CDH5: variants seen among roughly 807,000 people sequenced by gnomAD.
CDH5 encodes the protein cadherin-5.
Under a neutral mutation model 62.0 loss-of-function variants are expected in CDH5, and 28 were observed. The observed-to-expected ratio is 0.45, with a 90% CI of 0.33 to 0.62. The LOEUF (loss-of-function observed/expected upper bound fraction) is 0.62, where lower values mean the gene tolerates loss of function less well. Ranked by LOEUF, CDH5 falls within the 20% of genes least tolerant of loss-of-function variation. CDH5 has a pLI of 0.02. For missense variants in CDH5, 940 were observed against 1,065.1 expected (o/e 0.88, Z 1.63); for synonymous variants, 464 against 445.8 (o/e 1.04, Z -0.52).
chr16:66,386,666 A>G (rs913792250), intron 2 of CDH5, 143 bp from the exon 3 acceptor site: 7 of 662,776 alleles, frequency 1.1e-5, no homozygotes, highest in Non-Finnish European at 1.8e-5. Context: ...AAATCTCAGT[A>G]TCATATTTAG....
chr16:66,398,520 T>A lies in CDH5; in HGVS notation c.1550T>A (p.Ile517Asn). 6.2e-7 allele frequency: 1 copy of A among 1,601,942 alleles called. No homozygotes were observed. Among genetic ancestry groups the A allele is most frequent in the Non-Finnish European group, 8.6e-7 (1 of 1,169,024 alleles). The change falls in exon 10 of 12, where the codon ATC (isoleucine) becomes AAC (asparagine). Residue 517 changes from isoleucine to asparagine, a missense_variant. By Grantham distance (149) the Ile-to-Asn change is moderately radical. Coordinates refer to ENST00000341529, the MANE Select transcript of CDH5 (RefSeq NM_001795.5). The part of the protein sequence containing the change: ...ITPRNVKFKF[I>N]LNTENNFTLT... Reference sequence around the variant, plus strand: ...CCACGAAACGTGAAGTTCAAATTCATCTTGAATACTGAGAACAACTTTACC... The same window carrying A: ...CCACGAAACGTGAAGTTCAAATTCAACTTGAATACTGAGAACAACTTTACC...
rs777440132 is a variant in CDH5, at chr16:66,392,189, C to A, written c.1023C>A (p.Asp341Glu). 6.2e-7 allele frequency: 1 copy of A among 1,614,172 alleles called. No individual in the cohort carries two copies. The highest frequency in any genetic ancestry group is 1.7e-5 in the Admixed American group (1 of 60,022). Residue 341 changes from aspartate (D) to glutamate (E), a missense_variant, in exon 7 of 12, where the codon GAC (aspartate) becomes GAA (glutamate). Transcript: ENST00000341529. ...ACAGCTTCATCGTCGAGGCCACAGA[C>A]CCCACCATCGACCTCCGATACATGA... ...QQYSFIVEAT[D>E]PTIDLRYMSP...
intron 10 of CDH5, among the ~76,000 whole-genome samples, chr16:66,399,015 C>G (rs1664184438): frequency 6.6e-6 from 1 of 152,162 alleles, no homozygotes; most frequent in African/African-American, 2.4e-5. Context: ...CAGCTCAGTT[C>G]AAGAACTAGC....
At position 66,375,693 on chromosome 16, in the gene CDH5, C is replaced by T. The variant is rs763369278; in HGVS notation, c.-19-3626C>T. On this transcript the variant is annotated intron_variant, in intron 1 of 11. Coordinates refer to ENST00000341529, the MANE Select transcript of CDH5 (RefSeq NM_001795.5). ...GGACGTCACTGTATCCTACTGTAGA[C>T]TTAATAAACACCGTACACTTAGCTT... Among the ~76,000 whole-genome samples, 8 of 151,954 alleles carry T rather than the reference C, an allele frequency of 5.3e-5. No individual in the cohort carries two copies. The South Asian group carries it at 1.5e-3, about 28-fold the overall frequency.
chr16:66,400,827 G>C lies in CDH5; in HGVS notation c.1648G>C (p.Val550Leu), dbSNP rs987541897. The C allele has an allele frequency of 1.2e-6, 2 of 1,614,234 alleles. No individual in the cohort carries two copies. Among genetic ancestry groups the C allele is most frequent in the Non-Finnish European group, 1.7e-6 (2 of 1,180,038 alleles). ...YGQFDREHTKVHFLPVVISDN... is the reference protein window; with the variant it reads ...YGQFDREHTKLHFLPVVISDN... Reference sequence around the variant, plus strand: ...GCAGTTTGACCGGGAGCATACCAAGGTCCACTTCCTACCCGTGGTCATCTC... The same window carrying C: ...GCAGTTTGACCGGGAGCATACCAAGCTCCACTTCCTACCCGTGGTCATCTC... Residue 550 changes from valine (V) to leucine (L), a missense_variant, in exon 11 of 12, where the codon GTC (valine) becomes CTC (leucine). Coordinates refer to ENST00000341529, the MANE Select transcript of CDH5 (RefSeq NM_001795.5).
intron 11 of CDH5, 62 bp from the exon 12 acceptor site, chr16:66,402,588 GGC>G (rs1185854591): frequency 7.1e-7 from 1 of 1,407,574 alleles, no homozygotes; most frequent in Non-Finnish European, 9.4e-7. Flanking sequence ...TGGGGATGGG[GGC>G]ATGGGGGGCC....
In CDH5 at chr16:66,403,189, G is replaced by T; in HGVS notation, c.*20G>T. 3 of 1,589,380 alleles carry T rather than the reference G, an allele frequency of 1.9e-6. No individual in the cohort carries two copies. Among genetic ancestry groups the T allele is most frequent in the Admixed American group, 1.7e-5 (1 of 57,522 alleles). On this transcript the variant is annotated 3_prime_UTR_variant, in exon 12 of 12. Coordinates refer to ENST00000341529, the MANE Select transcript of CDH5 (RefSeq NM_001795.5). This position sits in a 1 kb window ranked among gnomAD's most constrained non-coding sequence, Gnocchi z 4.3. ...TATTAGGCGGCCGAGGTCACTCTGG[G>T]CCTGGGGACCCAAACCCCCTGCAGC...
chr16:66,386,726 C>A (rs1158967080), intron 2 of CDH5, 83 bp from the exon 3 acceptor site: 15 of 1,259,966 alleles, frequency 1.2e-5, no homozygotes, highest in African/African-American at 1.5e-5. Context: ...CACAGGCACA[C>A]CTGTGTACAC....
chr16:66,391,627 G>A (rs1961085558), intron 6 of CDH5, among the ~76,000 whole-genome samples: 1 of 152,128 alleles, frequency 6.6e-6, no homozygotes, highest in South Asian at 2.1e-4. Flanking sequence ...ACCAAAATTA[G>A]CTGGGCGTGG....
chr16:66,397,589 A>C (rs1961208584), intron 8 of CDH5, among the ~76,000 whole-genome samples: 1 of 152,128 alleles, frequency 6.6e-6, no homozygotes, highest in African/African-American at 2.4e-5. Flanking sequence ...CATCCATTTC[A>C]GTCTTTTCCG....
At chr16:66,375,294 C>G (rs1264690092) in intron 1 of CDH5, among the ~76,000 whole-genome samples, 1 of 152,090 alleles carries the variant, frequency 6.6e-6, no homozygotes, top group African/African-American at 2.4e-5. Flanking sequence ...CTTTGGGAGG[C>G]CAATGCAGGA....
intron 1 of CDH5, among the ~76,000 whole-genome samples, chr16:66,375,543 AAAAAAT>A (rs1050740953): frequency 2.0e-5 from 3 of 151,936 alleles, no homozygotes; most frequent in Non-Finnish European, 2.9e-5. Context: ...ATAAAAAAGT[AAAAAAT>A]AAAAATAAAA....
In CDH5 at chr16:66,404,650, A is replaced by T. The variant is rs1961356721; in HGVS notation, c.*1481A>T. ...ATTCAGGTTTTTTAGTTGGAAAAACAATTCCTGTAACCTTCTATTTTCTAT... is the reference window on the plus strand; with the variant it reads ...ATTCAGGTTTTTTAGTTGGAAAAACTATTCCTGTAACCTTCTATTTTCTAT... On this transcript the variant is annotated 3_prime_UTR_variant, in exon 12 of 12. Transcript: ENST00000341529. 6.6e-6 allele frequency: 1 copy of T among 152,608 alleles called. No homozygotes were observed. Among genetic ancestry groups the T allele is most frequent in the Non-Finnish European group, 1.5e-5 (1 of 68,042 alleles). 9.5% of individuals were successfully genotyped at this position (152,608 alleles called of 1,614,324 possible).
chr16:66,373,540 C>T (rs753050203), intron 1 of CDH5, among the ~76,000 whole-genome samples: 2 of 151,962 alleles, frequency 1.3e-5, no homozygotes, highest in Non-Finnish European at 1.5e-5. Flanking sequence ...CTCAGCCTCC[C>T]GAGTAGCTGG....
At position 66,392,270 on chromosome 16, in the gene CDH5, GC is replaced by G; in HGVS notation, c.1110del (p.Ile371PhefsTer11). On this transcript the variant is annotated frameshift_variant, in exon 7 of 12. Transcript: ENST00000341529. LOFTEE classifies it high-confidence loss of function. ...TTATCAACATCACAGATGTGGACGA[GC>G]CCCCCATTTTCCAGCAGCCTTTCTA... is the stretch of plus-strand genomic sequence containing the variant. ...VIINITDVDE[P>X]PIFQQPFYHF... 3.1e-6 allele frequency: 5 copies of G among 1,614,098 alleles called. No individual in the cohort carries two copies. The highest frequency in any genetic ancestry group is 4.2e-6 in the Non-Finnish European group (5 of 1,180,018).
intron 2 of CDH5, among the ~76,000 whole-genome samples, chr16:66,384,162 G>A (rs1051847327): frequency 1.5e-5 from 2 of 134,808 alleles, no homozygotes; most frequent in African/African-American, 5.7e-5. Context: ...TTGGCTCACT[G>A]CAACCTCTGC....
Position 66,379,467 on chromosome 16 carries a change from C to T in CDH5, c.130C>T (p.Arg44Cys). Reference sequence around the variant, plus strand: ...CCACAGCCTGCTGCCCACCCACCGGCGCCAAAAGAGAGATTGGATTTGGAA... The same window carrying T: ...CCACAGCCTGCTGCCCACCCACCGGTGCCAAAAGAGAGATTGGATTTGGAA... ...DTHSLLPTHR[R>C]QKRDWIWNQM... Residue 44 changes from arginine (R) to cysteine (C), a missense_variant, in exon 2 of 12, where the codon CGC (arginine) becomes TGC (cysteine). By Grantham distance (180) the Arg-to-Cys change is radical. Coordinates refer to ENST00000341529, the MANE Select transcript of CDH5 (RefSeq NM_001795.5). 1.9e-6 allele frequency: 3 copies of T among 1,614,202 alleles called. No individual in the cohort carries two copies. Among genetic ancestry groups the T allele is most frequent in the Non-Finnish European group, 2.5e-6 (3 of 1,180,042 alleles).
intron 2 of CDH5, among the ~76,000 whole-genome samples, chr16:66,384,038 G>A (rs978783153): frequency 6.7e-6 from 1 of 148,610 alleles, no homozygotes; most frequent in East Asian, 2.0e-4. Flanking sequence ...CTTCTTTCTT[G>A]AGACCCCAGC....
chr16:66,395,944 A>C, intron 7 of CDH5, 115 bp from the exon 8 acceptor site: 1 of 1,009,816 alleles, frequency 9.9e-7, no homozygotes, highest in African/African-American at 1.6e-5. Flanking sequence ...GCAGTGAGAG[A>C]GGGGCATGGA....
Sources: allele counts gnomAD v4.1 joint callset (sites outside exome capture counted in the v4.1 genomes callset), GRCh38; gene constraint gnomAD v4.1.1; non-coding constraint Gnocchi (gnomAD v3.1); transcripts MANE v1.5; gene names NCBI Gene and HGNC (gene_info 2026-07-23, HGNC 2026-07-21).